The following DAPK1 variants were observed in gnomAD, a reference collection of about 807,000 sequenced individuals.
DAPK1 encodes the protein death associated protein kinase 1, also known as death-associated protein kinase 1.
A neutral mutation model predicts 144.9 loss-of-function variants in DAPK1; 56 were observed. The observed-to-expected ratio is 0.39, with a 90% CI of 0.31 to 0.48. The LOEUF (loss-of-function observed/expected upper bound fraction) is 0.48. DAPK1 is among the 20% of genes least tolerant of loss of function. DAPK1 has a pLI of 0.95. For synonymous variants in DAPK1, 690 were observed against 749.0 expected, an observed-to-expected ratio of 0.92 and a Z score of 1.29; for missense variants, 1,454 against 1,875.4, an observed-to-expected ratio of 0.78 and a Z score of 4.15.
At chr9:87,670,572 G>A (rs1217907925) in intron 19 of DAPK1, among the ~76,000 whole-genome samples, 1 of 152,102 alleles carries the variant, frequency 6.6e-6, no homozygotes, top group Non-Finnish European at 1.5e-5. Context: ...ACACAGAGAG[G>A]CTGCAAACCC....
chr9:87,690,992 G>A (rs963990087), intron 21 of DAPK1, among the ~76,000 whole-genome samples: 1 of 151,736 alleles, frequency 6.6e-6, no homozygotes, highest in African/African-American at 2.4e-5. Context: ...TGTTGTTGTT[G>A]TTTTTACATT....
chr9:87,665,425 G>A (rs1033532719), intron 18 of DAPK1, among the ~76,000 whole-genome samples: 3 of 152,118 alleles, frequency 2.0e-5, no homozygotes, highest in Non-Finnish European at 2.9e-5. Flanking sequence ...TAATTCTGTA[G>A]GTTAACAAAA....
At chr9:87,513,167 G>T (rs1196360399) in intron 2 of DAPK1, among the ~76,000 whole-genome samples, 1 of 152,174 alleles carries the variant, frequency 6.6e-6, no homozygotes, top group Non-Finnish European at 1.5e-5. Flanking sequence ...AAACGAAACT[G>T]TCATTTGAAC....
chr9:87,510,814 C>T (rs559141851), intron 2 of DAPK1, among the ~76,000 whole-genome samples: 8 of 146,098 alleles, frequency 5.5e-5, no homozygotes, highest in Non-Finnish European at 1.2e-4. Context: ...AGTCACTTGA[C>T]TTCTGTGAGA....
intron 2 of DAPK1, among the ~76,000 whole-genome samples, chr9:87,566,692 A>G (rs1011592156): frequency 1.3e-5 from 2 of 152,204 alleles, no homozygotes; most frequent in African/African-American, 4.8e-5. Flanking sequence ...TATAAAAACA[A>G]AATGAAGCAA....
At chr9:87,569,929 A>G (rs1412252161) in intron 2 of DAPK1, among the ~76,000 whole-genome samples, 1 of 152,152 alleles carries the variant, frequency 6.6e-6, no homozygotes, top group Non-Finnish European at 1.5e-5. Flanking sequence ...ATCACCATAA[A>G]CTACTACTTC....
intron 19 of DAPK1, among the ~76,000 whole-genome samples, chr9:87,677,716 A>T (rs1479348404): frequency 6.6e-6 from 1 of 152,132 alleles, no homozygotes; most frequent in African/African-American, 2.4e-5. Flanking sequence ...ACCCTGTGGG[A>T]TGCTCACCAT....
chr9:87,559,475 A>C (rs935718381), intron 2 of DAPK1, among the ~76,000 whole-genome samples: 3 of 141,142 alleles, frequency 2.1e-5, no homozygotes, highest in African/African-American at 7.5e-5. Context: ...AGTGTTTCCA[A>C]AAAGGTAAAT....
At chr9:87,560,134 G>A (rs1230702004) in intron 2 of DAPK1, among the ~76,000 whole-genome samples, 2 of 151,080 alleles carry the variant, frequency 1.3e-5, no homozygotes, top group African/African-American at 4.9e-5. Context: ...GAGATTACAG[G>A]TGCATGCCAC....
intron 2 of DAPK1, chr9:87,554,456 A>C: frequency 7.4e-6 from 1 of 134,586 alleles, no homozygotes; most frequent in East Asian, 2.4e-4. Context: ...TAAAAAAAAA[A>C]AAAGTCTTTA....
At chr9:87,584,674 G>GTGTGTGTGTGTC (rs1368298494) in intron 2 of DAPK1, among the ~76,000 whole-genome samples, 2 of 138,886 alleles carry the variant, frequency 1.4e-5, no homozygotes, top group African/African-American at 4.9e-5. Context: ...TTGTGTGTGT[G>GTGTGTGTGTGTC]TGTGTGTGTG....
intron 2 of DAPK1, among the ~76,000 whole-genome samples, chr9:87,524,609 A>C (rs1056847544): frequency 6.6e-6 from 1 of 152,224 alleles, no homozygotes; most frequent in Non-Finnish European, 1.5e-5. Flanking sequence ...ACAGCAGCAC[A>C]ATTCGCAATT....
chr9:87,537,388 G>A (rs1825895720), intron 2 of DAPK1, among the ~76,000 whole-genome samples: 1 of 152,110 alleles, frequency 6.6e-6, no homozygotes, highest in Admixed American at 6.5e-5. Context: ...TGGGCTGGGT[G>A]TATGGGGAGA....
At chr9:87,608,292 A>G (rs1264526298) in intron 3 of DAPK1, among the ~76,000 whole-genome samples, 4 of 152,242 alleles carry the variant, frequency 2.6e-5, no homozygotes, top group African/African-American at 9.6e-5. Flanking sequence ...TTCACTCAGC[A>G]TAATGCATTG....
chr9:87,660,077 C>G (rs1317390288), intron 18 of DAPK1, among the ~76,000 whole-genome samples: 1 of 152,184 alleles, frequency 6.6e-6, no homozygotes, highest in Non-Finnish European at 1.5e-5. Flanking sequence ...AGGCCCCGTC[C>G]TCAGCCGGAC....
chr9:87,606,612 CCTCT>C lies in DAPK1; in HGVS notation c.284+1445_284+1448del, dbSNP rs1408153333. On this transcript the variant is annotated intron_variant, in intron 3 of 25. Coordinates refer to ENST00000408954, the MANE Select transcript of DAPK1 (RefSeq NM_004938.4). ...TCCTTCCTTCCTCCCTCCCTCCCTC[CCTCT>C]CTCTCTCCCTCCTTTTCTCCCTCCC... Among the ~76,000 whole-genome samples the C allele has an allele frequency of 4.1e-4, 49 of 119,190 alleles. 1 individual carries two copies. In the East Asian group the frequency reaches 0.011, roughly 27 times the overall value. 78.2% of individuals were successfully genotyped at this position (119,190 alleles called of 152,430 possible).
At chr9:87,660,884 C>T (rs535240576) in intron 18 of DAPK1, among the ~76,000 whole-genome samples, 14 of 152,246 alleles carry the variant, frequency 9.2e-5, no homozygotes, top group Admixed American at 3.9e-4. Context: ...TCTCGCTCTT[C>T]GCCAGGCTGG....
intron 20 of DAPK1, among the ~76,000 whole-genome samples, chr9:87,685,869 A>G (rs1436391691): frequency 3.3e-5 from 5 of 152,204 alleles, no homozygotes; most frequent in Admixed American, 6.5e-5. Flanking sequence ...ACAGCAACCA[A>G]TGTGAATAAA....
At chr9:87,615,557 C>A (rs1005297993) in intron 3 of DAPK1, among the ~76,000 whole-genome samples, 5 of 152,190 alleles carry the variant, frequency 3.3e-5, no homozygotes, top group Non-Finnish European at 7.4e-5. Context: ...TTGATTATTT[C>A]AAAAATGTAG....
Sources: allele counts gnomAD v4.1 joint callset (sites outside exome capture counted in the v4.1 genomes callset), GRCh38; gene constraint gnomAD v4.1.1; transcripts MANE v1.5; gene names NCBI Gene and HGNC (gene_info 2026-07-23, HGNC 2026-07-21).